NSD1: variants seen among roughly 807,000 people sequenced by gnomAD.
NSD1 encodes the protein histone-lysine N-methyltransferase, H3 lysine-36 specific.
NSD1 carries 26 observed loss-of-function variants against 242.7 expected under a neutral mutation model. The observed-to-expected ratio is 0.11, with a 90% confidence interval of 0.08 to 0.15. The LOEUF is 0.15. Ranked by LOEUF, NSD1 falls within the 10% of genes least tolerant of loss-of-function variation. NSD1 has a pLI of 1.00. For missense variants in NSD1, 2,495 were observed against 3,272.8 expected (o/e 0.76, Z 5.80); for synonymous variants, 1,106 against 1,178.1 (o/e 0.94, Z 1.25).
At chr5:177,228,916 T>C (rs1241454280) in intron 5 of NSD1, among the ~76,000 whole-genome samples, 1 of 152,186 alleles carries the variant, frequency 6.6e-6, no homozygotes, top group Non-Finnish European at 1.5e-5. Context: ...TAAAGATCCT[T>C]CTAATCTGTA....
At chr5:177,169,711 TAAAC>T (rs1174046715) in intron 2 of NSD1, 1 of 152,138 alleles carries the variant, frequency 6.6e-6, no homozygotes, top group African/African-American at 2.4e-5. Flanking sequence ...AAACATAAAA[TAAAC>T]AAGTAATAAG....
At chr5:177,271,214 T>C (rs971149479) in intron 16 of NSD1, among the ~76,000 whole-genome samples, 3 of 152,150 alleles carry the variant, frequency 2.0e-5, no homozygotes, top group Non-Finnish European at 4.4e-5. Flanking sequence ...ATTATTAATA[T>C]TGTGGCAGAA....
intron 2 of NSD1, among the ~76,000 whole-genome samples, chr5:177,168,535 C>T (rs1340743881): frequency 1.3e-5 from 2 of 151,250 alleles, no homozygotes; most frequent in African/African-American, 4.9e-5. Context: ...TCTTGGCTCA[C>T]TGCAGCCTCT....
chr5:177,254,057 C>T (rs535963431), intron 12 of NSD1, among the ~76,000 whole-genome samples: 1 of 151,828 alleles, frequency 6.6e-6, no homozygotes, highest in Admixed American at 6.6e-5. Flanking sequence ...AAGCAAGTCT[C>T]CTGCCTCAGC....
chr5:177,180,126 G>A lies in NSD1; in HGVS notation c.928-11758G>A, dbSNP rs576883224. On this transcript the variant is annotated intron_variant, in intron 2 of 22. Transcript: ENST00000439151. ...ATTTTTTTTTTTGAGACAGAGTCTC[G>A]CTGTGTTGCCCAGGCTGGAGTGCAG... Among the ~76,000 whole-genome samples the A allele has an allele frequency of 1.3e-3, 195 of 150,156 alleles. 2 individuals are homozygous for A. The highest frequency in any genetic ancestry group is 4.5e-3 in the African/African-American group (185 of 40,792).
intron 14 of NSD1, among the ~76,000 whole-genome samples, chr5:177,264,177 A>AGTAGT (rs1757233278): frequency 1.3e-5 from 2 of 151,878 alleles, no homozygotes; most frequent in South Asian, 4.2e-4. Context: ...CTGGGACTAC[A>AGTAGT]GGCATGTGCC....
Position 177,210,421 on chromosome 5 carries a change from C to A in NSD1, c.2022C>A (p.Asn674Lys), listed in dbSNP as rs1212927375. Reference protein sequence around the residue: ...EIPDAFDRTENMLSMQKNEKI... With the variant: ...EIPDAFDRTEKMLSMQKNEKI... ...CAGATGCTTTCGATAGAACAGAGAA[C>A]ATGTTATCTATGCAGAAAAATGAAA... The change falls in exon 5 of 23, where the codon AAC (asparagine) becomes AAA (lysine). Residue 674 changes from asparagine to lysine, a missense_variant. This residue lies in a region of NSD1 where 515 missense variants were observed against 467.0 expected (regional missense o/e 1.10). Coordinates refer to ENST00000439151, the MANE Select transcript of NSD1 (RefSeq NM_022455.5). 6.2e-7 allele frequency: 1 copy of A among 1,614,000 alleles called. No individual in the cohort carries two copies. Among genetic ancestry groups the A allele is most frequent in the African/African-American group, 1.3e-5 (1 of 74,920 alleles).
intron 2 of NSD1, among the ~76,000 whole-genome samples, chr5:177,157,195 T>C (rs201074923): frequency 6.7e-6 from 1 of 148,466 alleles, no homozygotes; most frequent in Non-Finnish European, 1.5e-5. Context: ...TGGTGAAACT[T>C]TGTCTCTACT....
chr5:177,285,689 T>C (rs751261492), intron 20 of NSD1, among the ~76,000 whole-genome samples: 5 of 152,104 alleles, frequency 3.3e-5, no homozygotes, highest in Non-Finnish European at 7.3e-5. Flanking sequence ...CAGCCTCTTA[T>C]ACTCAAACTG....
At position 177,211,616 on chromosome 5, in the gene NSD1, G is replaced by A. The variant is rs745551621; in HGVS notation, c.3217G>A (p.Glu1073Lys). 8 of 1,614,120 alleles carry A rather than the reference G, an allele frequency of 5.0e-6. 1 individual carries two copies. In the South Asian group the frequency reaches 5.5e-5, roughly 11 times the overall value. The change falls in exon 5 of 23, where the codon GAA (glutamate) becomes AAA (lysine). Residue 1073 changes from glutamate to lysine, a missense_variant. By Grantham distance (56) the Glu-to-Lys change is moderately conservative (BLOSUM62 1). Coordinates refer to ENST00000439151, the MANE Select transcript of NSD1 (RefSeq NM_022455.5). Reference protein sequence around the residue: ...TLDAVLQGDRERGGSLRGGAE... With the variant: ...TLDAVLQGDRKRGGSLRGGAE... The stretch of plus-strand genomic sequence containing the variant: ...TGATGCTGTACTGCAGGGAGACCGA[G>A]AACGTGGAGGTTCATTGAGAGGTGG...
intron 5 of NSD1, among the ~76,000 whole-genome samples, chr5:177,223,381 T>A (rs1282561597): frequency 6.6e-6 from 1 of 152,152 alleles, no homozygotes; most frequent in Non-Finnish European, 1.5e-5. Flanking sequence ...GAGACCAGCC[T>A]GGCCAACGTG....
intron 2 of NSD1, among the ~76,000 whole-genome samples, chr5:177,140,902 C>T (rs1390814366): frequency 1.3e-5 from 2 of 152,132 alleles, no homozygotes; most frequent in Non-Finnish European, 2.9e-5. Context: ...TTCCTCTTCT[C>T]TACCCATCAT....
chr5:177,225,381 A>G (rs1562230713), intron 5 of NSD1, among the ~76,000 whole-genome samples: 1 of 151,982 alleles, frequency 6.6e-6, no homozygotes. Flanking sequence ...GATCTCAAGT[A>G]ATCTGCCTGT....
chr5:177,215,761 G>A (rs1763722379), intron 5 of NSD1, among the ~76,000 whole-genome samples: 1 of 152,068 alleles, frequency 6.6e-6, no homozygotes, highest in African/African-American at 2.4e-5. Context: ...CCAAAGTGTT[G>A]GGATTATAGG....
At chr5:177,226,502 G>C (rs1341849302) in intron 5 of NSD1, among the ~76,000 whole-genome samples, 1 of 152,106 alleles carries the variant, frequency 6.6e-6, no homozygotes, top group Non-Finnish European at 1.5e-5. Context: ...ATTTATTTTT[G>C]AAATGGGGTT....
At chr5:177,247,457 C>T (rs970331068) in intron 10 of NSD1, among the ~76,000 whole-genome samples, 2 of 150,790 alleles carry the variant, frequency 1.3e-5, no homozygotes, top group Admixed American at 1.3e-4. Flanking sequence ...GCTGGCTGGG[C>T]GTTGTGGCTC....
intron 2 of NSD1, among the ~76,000 whole-genome samples, chr5:177,163,212 G>A (rs1758900864): frequency 6.8e-6 from 1 of 146,812 alleles, no homozygotes; most frequent in African/African-American, 2.5e-5. Flanking sequence ...GCACGATCTC[G>A]GCTCACTGCA....
chr5:177,150,321 G>GT (rs1259611695), intron 2 of NSD1, among the ~76,000 whole-genome samples: 12 of 151,988 alleles, frequency 7.9e-5, no homozygotes, highest in African/African-American at 2.9e-4. Context: ...TGTAGAGACA[G>GT]GTTTTCACTG....
At chr5:177,142,209 T>A (rs1756882739) in intron 2 of NSD1, among the ~76,000 whole-genome samples, 1 of 152,182 alleles carries the variant, frequency 6.6e-6, no homozygotes, top group Non-Finnish European at 1.5e-5. Context: ...GACATCATTA[T>A]CCTATTCATC....
Sources: gnomAD v4.1 joint callset for allele counts (sites outside exome capture counted in the v4.1 genomes callset) on GRCh38, gnomAD v4.1.1 for gene constraint, gnomAD v4.1.1 regional missense constraint, MANE v1.5 for transcripts, NCBI Gene and HGNC (gene_info 2026-07-23, HGNC 2026-07-21) for gene names.